CCDC73: variants seen among roughly 807,000 people sequenced by gnomAD.
The protein encoded by CCDC73 is coiled-coil domain-containing protein 73.
CCDC73 carries 95 observed loss-of-function variants against 116.5 expected under a neutral mutation model. The observed-to-expected ratio is 0.82, with a 90% CI of 0.69 to 0.97. CCDC73 has a LOEUF of 0.97. Among genes scored for constraint, CCDC73 ranks in the 50% least tolerant of loss-of-function variants. CCDC73 has a pLI of 0.00. For synonymous variants in CCDC73, 398 were observed against 401.3 expected, an observed-to-expected ratio of 0.99 and a Z score of 0.10; for missense variants, 1,066 against 1,206.8, an observed-to-expected ratio of 0.88 and a Z score of 1.73.
chr11:32,746,544 C>A (rs966633534), intron 2 of CCDC73, among the ~76,000 whole-genome samples: 1 of 152,172 alleles, frequency 6.6e-6, no homozygotes, highest in Non-Finnish European at 1.5e-5. Flanking sequence ...TCCATTCTTC[C>A]TGTCACTTTC....
intron 7 of CCDC73, among the ~76,000 whole-genome samples, chr11:32,679,109 C>G (rs961335022): frequency 2.0e-5 from 3 of 151,958 alleles, no homozygotes; most frequent in African/African-American, 7.3e-5. Flanking sequence ...CTTTTAACTA[C>G]TTATTTAATT....
intron 2 of CCDC73, among the ~76,000 whole-genome samples, chr11:32,741,755 AC>A (rs946537217): frequency 2.0e-5 from 3 of 151,890 alleles, no homozygotes; most frequent in African/African-American, 7.3e-5. Flanking sequence ...GGTTTCCTGC[AC>A]CCATCAACCT....
chr11:32,673,410 A>T (rs887552556), intron 9 of CCDC73, among the ~76,000 whole-genome samples: 2 of 152,076 alleles, frequency 1.3e-5, no homozygotes, highest in African/African-American at 4.8e-5. Flanking sequence ...ATATTAAATT[A>T]TATTAAAATA....
At chr11:32,674,112 T>A (rs1344647827) in intron 9 of CCDC73, among the ~76,000 whole-genome samples, 1 of 152,210 alleles carries the variant, frequency 6.6e-6, no homozygotes, top group Non-Finnish European at 1.5e-5. Context: ...GCAACCCATA[T>A]ACATAAGCCT....
At chr11:32,830,491 T>G in the CCDC73 span, 1 of 1,461,222 alleles carries the variant, frequency 6.8e-7, no homozygotes, top group Middle Eastern at 2.1e-4. Flanking sequence ...TTTAATATTT[T>G]TTTTTGTTTG....
rs1268050541 is a variant in CCDC73, at chr11:32,755,627, ATC to A, written c.135+4480_135+4481del. ...CATATATATGTGTGTGTATATATATATCTCCATATATATGTGTATATATATAT... is the reference window on the plus strand; with the variant it reads ...CATATATATGTGTGTGTATATATATATCCATATATATGTGTATATATATAT... On this transcript the variant is annotated intron_variant, in intron 2 of 17. Transcript: ENST00000335185. Among the ~76,000 whole-genome samples, 78 of 107,774 alleles carry A rather than the reference ATC, an allele frequency of 7.2e-4. 4 individuals carry two copies. Among genetic ancestry groups the A allele is most frequent in the East Asian group, 2.7e-3 (9 of 3,346 alleles). 70.7% of individuals were successfully genotyped at this position (107,774 alleles called of 152,430 possible). A position where few individuals can be genotyped will look rare whatever the true frequency, so the allele number is the denominator to read the frequency against.
chr11:32,610,734 C>A (rs951825923), intron 17 of CCDC73, among the ~76,000 whole-genome samples: 1 of 152,172 alleles, frequency 6.6e-6, no homozygotes, highest in Non-Finnish European at 1.5e-5. Flanking sequence ...TTCTTTCCAT[C>A]TCAGTTTCCA....
intron 14 of CCDC73, among the ~76,000 whole-genome samples, chr11:32,633,592 T>A (rs1285721959): frequency 6.6e-6 from 1 of 151,966 alleles, no homozygotes; most frequent in Non-Finnish European, 1.5e-5. Context: ...CAGTCTGGAG[T>A]AAACCAGACT....
chr11:32,676,101 G>C, intron 7 of CCDC73, 80 bp from the exon 8 acceptor site: 1 of 1,168,432 alleles, frequency 8.6e-7, no homozygotes, highest in Non-Finnish European at 1.2e-6. Context: ...AAAATATATT[G>C]TGGTAAACCA....
intron 2 of CCDC73, among the ~76,000 whole-genome samples, chr11:32,725,545 GCTATCTAACCCTTTA>G (rs1421933616): frequency 1.3e-5 from 2 of 152,072 alleles, no homozygotes; most frequent in Non-Finnish European, 2.9e-5. Flanking sequence ...AAGACATTTT[GCTATCTAACCCTTTA>G]CAATATAGCT....
chr11:32,785,399 A>AT (rs1850619289), intron 1 of CCDC73, among the ~76,000 whole-genome samples: 1 of 151,734 alleles, frequency 6.6e-6, no homozygotes, highest in Admixed American at 6.6e-5. Context: ...TTTTTCTTTT[A>AT]TTTTTTGTTT....
the CCDC73 span, among the ~76,000 whole-genome samples, chr11:32,819,353 T>C: frequency 1.1e-3 from 168 of 152,054 alleles, no homozygotes; most frequent in Middle Eastern, 3.4e-3. Context: ...GTTTCCACAA[T>C]CTTGGGATTA....
chr11:32,614,293 G>A lies in CCDC73; in HGVS notation c.2025C>T (p.Ser675=), dbSNP rs1855453017. 6.2e-7 allele frequency: 1 copy of A among 1,613,028 alleles called. No homozygotes were observed. Among genetic ancestry groups the A allele is most frequent in the Non-Finnish European group, 8.5e-7 (1 of 1,179,332 alleles). Residue 675 remains serine, a synonymous_variant, in exon 16 of 18, where the codon AGC becomes AGT. Coordinates refer to ENST00000335185, the MANE Select transcript of CCDC73 (RefSeq NM_001008391.4). The part of the protein sequence containing the change: ...IQLLTKKSEC[S]ILLSKQTSDF... ...CTGAAGTTTGTTTAGAAAGTAATAT[G>A]CTGCACTCACTTTTTTTAGTTAACA...
intron 1 of CCDC73, among the ~76,000 whole-genome samples, chr11:32,778,511 T>C (rs1850555878): frequency 1.3e-5 from 2 of 152,326 alleles, no homozygotes; most frequent in Admixed American, 1.3e-4. Flanking sequence ...TGTAATCTTT[T>C]GTATTAAGAA....
chr11:32,795,552 AC>A (rs1850719035), upstream of CCDC73, among the ~76,000 whole-genome samples: 1 of 152,060 alleles, frequency 6.6e-6, no homozygotes, highest in Non-Finnish European at 1.5e-5. Flanking sequence ...TGATAATCAC[AC>A]CTATTTTAAG....
chr11:32,645,367 C>T (rs1855769232), intron 12 of CCDC73, among the ~76,000 whole-genome samples: 2 of 149,568 alleles, frequency 1.3e-5, no homozygotes, highest in African/African-American at 4.9e-5. Flanking sequence ...TCTCGGCTCA[C>T]TGCAACCTCC....
At chr11:32,677,820 T>C (rs1856102247) in intron 7 of CCDC73, among the ~76,000 whole-genome samples, 1 of 151,038 alleles carries the variant, frequency 6.6e-6, no homozygotes, top group South Asian at 2.1e-4. Context: ...GGCATGGTGA[T>C]GCGCGCCTGT....
At chr11:32,740,993 CATT>C (rs1850178652) in intron 2 of CCDC73, among the ~76,000 whole-genome samples, 1 of 151,992 alleles carries the variant, frequency 6.6e-6, no homozygotes, top group African/African-American at 2.4e-5. Context: ...CAAAATTCCT[CATT>C]ATTGATTTCC....
chr11:32,667,667 C>T (rs1166766320), intron 9 of CCDC73, among the ~76,000 whole-genome samples: 1 of 152,176 alleles, frequency 6.6e-6, no homozygotes, highest in Non-Finnish European at 1.5e-5. Context: ...ACACCCACTG[C>T]TCTGCACCCA....
Sources: allele counts gnomAD v4.1 joint callset (sites outside exome capture counted in the v4.1 genomes callset), GRCh38; gene constraint gnomAD v4.1.1; transcripts MANE v1.5; gene names NCBI Gene and HGNC (gene_info 2026-07-23, HGNC 2026-07-21).